KCNMB4: variants seen among roughly 807,000 people sequenced by gnomAD.
The protein encoded by KCNMB4 is calcium-activated potassium channel subunit beta-4.
Under a neutral mutation model 20.7 loss-of-function variants are expected in KCNMB4, and 3 were observed. The ratio of observed to expected loss-of-function variants is 0.14; its 90% CI spans 0.07 to 0.37. KCNMB4 has a LOEUF of 0.37. Ranked by LOEUF, KCNMB4 falls within the 10% of genes least tolerant of loss-of-function variation. The probability of loss-of-function intolerance (pLI) is 1.00; values close to 1 mark genes in which losing one functional copy is unlikely to be tolerated. For missense variants in KCNMB4, 168 were observed against 265.9 expected (o/e 0.63, Z 2.56); for synonymous variants, 110 against 113.4 (o/e 0.97, Z 0.19).
chr12:70,423,141 A>G (rs1869115100), intron 2 of KCNMB4, among the ~76,000 whole-genome samples: 1 of 152,188 alleles, frequency 6.6e-6, no homozygotes, highest in Admixed American at 6.5e-5. Context: ...CCTGAGATAC[A>G]TATATAACAC....
intron 2 of KCNMB4, among the ~76,000 whole-genome samples, chr12:70,406,918 G>A (rs549985535): frequency 1.3e-3 from 198 of 151,974 alleles, no homozygotes; most frequent in Non-Finnish European, 2.1e-3. Flanking sequence ...TTGTACTCTC[G>A]CAACAATTCT....
At chr12:70,397,234 G>A (rs1868362317) in intron 1 of KCNMB4, among the ~76,000 whole-genome samples, 1 of 152,012 alleles carries the variant, frequency 6.6e-6, no homozygotes, top group African/African-American at 2.4e-5. Flanking sequence ...TGTAGTCCTA[G>A]CTACTCAAGA....
intron 2 of KCNMB4, among the ~76,000 whole-genome samples, chr12:70,424,772 A>G (rs1869165200): frequency 6.6e-6 from 1 of 152,036 alleles, no homozygotes. Context: ...GAATACTACA[A>G]AGGGTCTCTG....
At chr12:70,389,428 T>G (rs1234002677) in intron 1 of KCNMB4, among the ~76,000 whole-genome samples, 1 of 152,168 alleles carries the variant, frequency 6.6e-6, no homozygotes, top group Admixed American at 6.5e-5. Context: ...GCATGGTGGC[T>G]CACGCCTGGG....
At chr12:70,419,056 A>G (rs1223920919) in intron 2 of KCNMB4, among the ~76,000 whole-genome samples, 1 of 152,158 alleles carries the variant, frequency 6.6e-6, no homozygotes, top group Non-Finnish European at 1.5e-5. Context: ...TTTTAGTCCT[A>G]TCCAGCCCGG....
At position 70,373,483 on chromosome 12, in the gene KCNMB4, A is replaced by T. The variant is rs1883634349; in HGVS notation, c.336+6413A>T. On this transcript the variant is annotated intron_variant, in intron 1 of 2. Coordinates refer to ENST00000258111, the MANE Select transcript of KCNMB4 (RefSeq NM_014505.6). ...CTCCAAGGAAGTGGTAAAAGGCAAG[A>T]AAATGAATTTTCCGCTAGGCATTCA... Among the ~76,000 whole-genome samples the T allele has an allele frequency of 1.3e-5, 2 of 152,218 alleles. 1 individual carries two copies. Among genetic ancestry groups the T allele is most frequent in the South Asian group, 4.1e-4 (2 of 4,828 alleles).
intron 2 of KCNMB4, among the ~76,000 whole-genome samples, chr12:70,405,789 G>A (rs1868582761): frequency 6.6e-6 from 1 of 152,150 alleles, no homozygotes; most frequent in South Asian, 2.1e-4. Flanking sequence ...TGTGAAGCCA[G>A]GCGCAATGGT....
intron 1 of KCNMB4, 108 bp from the exon 2 acceptor site, chr12:70,400,101 G>A (rs867009582): frequency 2.5e-6 from 2 of 808,824 alleles, no homozygotes; most frequent in African/African-American, 1.8e-5. Flanking sequence ...AATTAGGGAG[G>A]CCTAAATTAG....
At chr12:70,378,137 G>A (rs1883720684) in intron 1 of KCNMB4, among the ~76,000 whole-genome samples, 1 of 151,910 alleles carries the variant, frequency 6.6e-6, no homozygotes, top group African/African-American at 2.4e-5. Context: ...TGTATTGGTA[G>A]TAGAGACAGG....
intron 1 of KCNMB4, among the ~76,000 whole-genome samples, chr12:70,396,462 C>A (rs1361182271): frequency 2.0e-5 from 3 of 152,132 alleles, no homozygotes; most frequent in Admixed American, 6.5e-5. Flanking sequence ...TGTGCCACCA[C>A]GCCCTGCTAA....
chr12:70,366,435 G>A lies in KCNMB4; in HGVS notation c.-300G>A, dbSNP rs1883490245. 1 of 152,052 alleles carries A rather than the reference G, an allele frequency of 6.6e-6. No individual in the cohort carries two copies. Among genetic ancestry groups the A allele is most frequent in the South Asian group, 2.1e-4 (1 of 4,816 alleles). The allele number at this position is 152,052 out of a possible 1,614,324, so 9.4% of individuals were successfully genotyped here. A position where few individuals can be genotyped will look rare whatever the true frequency, so the allele number is the denominator to read the frequency against. ...GGGCGGAGGCTGGCAGGGGGCGCTG[G>A]AAGCTGGAGCGGTCCGTGCGCTCCC... On this transcript the variant is annotated 5_prime_UTR_variant, in exon 1 of 3. Transcript: ENST00000258111.
At chr12:70,379,155 G>T (rs11531260) in intron 1 of KCNMB4, among the ~76,000 whole-genome samples, 36,324 of 152,002 alleles carry the variant, frequency 0.24, 4,790 homozygotes, top group East Asian at 0.51. Context: ...ATTTTTAAGG[G>T]CCGTAGGATC....
At position 70,431,200 on chromosome 12, in the gene KCNMB4, G is replaced by A. The variant is rs553901878; in HGVS notation, c.*547G>A. ...CCACTATTAAAGAGTATCTTTTGAC[G>A]TCTGCTTGGAAAATGAATAGTATAC... On this transcript the variant is annotated 3_prime_UTR_variant, in exon 3 of 3. Transcript: ENST00000258111. 1.3e-5 allele frequency: 2 copies of A among 152,014 alleles called. No homozygotes were observed. Among genetic ancestry groups the A allele is most frequent in the Non-Finnish European group, 2.9e-5 (2 of 68,050 alleles). 9.4% of individuals were successfully genotyped at this position (152,014 alleles called of 1,614,324 possible). A position where few individuals can be genotyped will look rare whatever the true frequency, so the allele number is the denominator to read the frequency against.
At chr12:70,381,396 C>T (rs533263470) in intron 1 of KCNMB4, among the ~76,000 whole-genome samples, 3 of 152,190 alleles carry the variant, frequency 2.0e-5, no homozygotes, top group Non-Finnish European at 2.9e-5. Flanking sequence ...CCAAGAGAAA[C>T]GAAAACATGT....
chr12:70,429,535 C>T (rs749775243), intron 2 of KCNMB4, among the ~76,000 whole-genome samples: 4 of 151,808 alleles, frequency 2.6e-5, no homozygotes, highest in African/African-American at 4.8e-5. Flanking sequence ...GACGTGGTGG[C>T]GGGCGCCTGT....
chr12:70,383,366 T>C (rs757912174), intron 1 of KCNMB4, among the ~76,000 whole-genome samples: 4 of 152,226 alleles, frequency 2.6e-5, no homozygotes, highest in African/African-American at 7.2e-5. Flanking sequence ...TTGGTACATA[T>C]TAAATTGGTG....
At chr12:70,412,149 T>C (rs1314138486) in intron 2 of KCNMB4, among the ~76,000 whole-genome samples, 1 of 152,154 alleles carries the variant, frequency 6.6e-6, no homozygotes, top group African/African-American at 2.4e-5. Flanking sequence ...CTGGATGGAA[T>C]TGGATCCAGT....
intron 2 of KCNMB4, among the ~76,000 whole-genome samples, chr12:70,412,521 C>T (rs183112349): frequency 6.2e-4 from 95 of 152,238 alleles, no homozygotes; most frequent in South Asian, 1.2e-3. Context: ...GTTTATTTTC[C>T]GGACGTCTTT....
At chr12:70,388,497 C>T (rs570484987) in intron 1 of KCNMB4, among the ~76,000 whole-genome samples, 12 of 151,946 alleles carry the variant, frequency 7.9e-5, no homozygotes, top group Admixed American at 6.6e-5. Flanking sequence ...CAAGGATTCC[C>T]TTTTCTCTAC....
Sources: allele counts gnomAD v4.1 joint callset (sites outside exome capture counted in the v4.1 genomes callset), GRCh38; gene constraint gnomAD v4.1.1; transcripts MANE v1.5; gene names NCBI Gene and HGNC (gene_info 2026-07-23, HGNC 2026-07-21).